The following LHFPL3 variants were observed in gnomAD, a reference collection of about 807,000 sequenced individuals.
The protein encoded by LHFPL3 is LHFPL tetraspan subfamily member 3, also known as LHFPL tetraspan subfamily member 3 protein.
In LHFPL3, 5 loss-of-function variants were observed where a neutral mutation model predicts 19.3. The observed-to-expected ratio is 0.26, with a 90% CI of 0.14 to 0.54. LHFPL3 has a LOEUF of 0.54. LHFPL3 is among the 20% of genes least tolerant of loss of function. The probability of loss-of-function intolerance (pLI) is 0.94; values close to 1 mark genes in which losing one functional copy is unlikely to be tolerated. For synonymous variants in LHFPL3, 133 were observed against 126.2 expected, an observed-to-expected ratio of 1.05 and a Z score of -0.36; for missense variants, 249 against 307.4, an observed-to-expected ratio of 0.81 and a Z score of 1.42.
chr7:104,435,634 T>C (rs1792089689), intron 1 of LHFPL3, among the ~76,000 whole-genome samples: 1 of 152,062 alleles, frequency 6.6e-6, no homozygotes, highest in Non-Finnish European at 1.5e-5. Context: ...CAAGATATTT[T>C]CTGAGTTTAT....
chr7:104,872,752 C>T (rs1312402720), intron 2 of LHFPL3, among the ~76,000 whole-genome samples: 1 of 152,208 alleles, frequency 6.6e-6, no homozygotes, highest in Non-Finnish European at 1.5e-5. Flanking sequence ...ACACACGGAG[C>T]TGTCATCTTC....
chr7:104,907,269 T>C lies in LHFPL3; in HGVS notation c.*1054T>C, dbSNP rs1022979870. ...TTAAAAATCATTCCATTAAACATAT[T>C]TCTAAATAATAGTAAGTGGTACTAA... On this transcript the variant is annotated 3_prime_UTR_variant, in exon 3 of 3. Transcript: ENST00000424859. 5.2e-5 allele frequency: 8 copies of C among 152,680 alleles called. No individual in the cohort carries two copies. Among genetic ancestry groups the C allele is most frequent in the African/African-American group, 1.9e-4 (8 of 41,564 alleles). 9.5% of individuals were successfully genotyped at this position (152,680 alleles called of 1,614,324 possible).
intron 2 of LHFPL3, among the ~76,000 whole-genome samples, chr7:104,741,336 G>T (rs1793932681): frequency 6.6e-6 from 1 of 151,780 alleles, no homozygotes; most frequent in Non-Finnish European, 1.5e-5. Context: ...CATTAAAAAT[G>T]TACTTTCATG....
At position 104,631,182 on chromosome 7, in the gene LHFPL3, C is replaced by T. The variant is rs1218153491; in HGVS notation, c.446-105493C>T. 6.6e-5 allele frequency among the ~76,000 whole-genome samples: 10 copies of T among 152,300 alleles called. 1 individual carries two copies. Among genetic ancestry groups the T allele is most frequent in the Middle Eastern group, 3.4e-3 (1 of 294 alleles). On this transcript the variant is annotated intron_variant, in intron 1 of 2. Transcript: ENST00000424859. ...ACAACAAAGCATTTAAAATGCCCAG[C>T]TCAATTTCTGCAGAGCAGGCAATGA...
intron 2 of LHFPL3, among the ~76,000 whole-genome samples, chr7:104,791,327 T>C (rs1226480732): frequency 6.6e-6 from 1 of 152,270 alleles, no homozygotes; most frequent in African/African-American, 2.4e-5. Flanking sequence ...CAGGGTTAAT[T>C]CTGGCATAAT....
intron 1 of LHFPL3, among the ~76,000 whole-genome samples, chr7:104,375,766 G>A (rs991417102): frequency 1.3e-5 from 2 of 152,082 alleles, no homozygotes; most frequent in African/African-American, 2.4e-5. Context: ...CTAACTAAAG[G>A]GTTTCTGAAG....
At chr7:104,678,226 A>G (rs912402140) in intron 1 of LHFPL3, among the ~76,000 whole-genome samples, 3 of 152,194 alleles carry the variant, frequency 2.0e-5, no homozygotes, top group Non-Finnish European at 4.4e-5. Flanking sequence ...TTGTTGTTAT[A>G]AAGTGTATAA....
intron 1 of LHFPL3, among the ~76,000 whole-genome samples, chr7:104,688,718 C>T (rs1026519370): frequency 6.6e-6 from 1 of 152,172 alleles, no homozygotes; most frequent in African/African-American, 2.4e-5. Flanking sequence ...CTCCTCAGGA[C>T]CCACCCCAAC....
chr7:104,578,347 G>A (rs1024458527), intron 1 of LHFPL3, among the ~76,000 whole-genome samples: 3 of 152,132 alleles, frequency 2.0e-5, no homozygotes, highest in East Asian at 3.9e-4. Context: ...TGAACACTGG[G>A]ATTTCCCATC....
intron 1 of LHFPL3, among the ~76,000 whole-genome samples, chr7:104,365,797 A>AAAAAAGAAAG (rs1554381869): frequency 2.2e-4 from 28 of 125,978 alleles, no homozygotes; most frequent in African/African-American, 5.8e-4. Context: ...CAAAAAAAAA[A>AAAAAAGAAAG]AAAAAAAAGA....
At chr7:104,720,022 T>C (rs1420102518) in intron 1 of LHFPL3, among the ~76,000 whole-genome samples, 1 of 152,144 alleles carries the variant, frequency 6.6e-6, no homozygotes, top group East Asian at 1.9e-4. Context: ...GGAACCAAAA[T>C]AGCCCCTTTA....
chr7:104,695,895 G>A (rs1191546043), intron 1 of LHFPL3, among the ~76,000 whole-genome samples: 1 of 152,162 alleles, frequency 6.6e-6, no homozygotes, highest in African/African-American at 2.4e-5. Flanking sequence ...TTTTCTAAAT[G>A]TGCATACCCT....
intron 1 of LHFPL3, among the ~76,000 whole-genome samples, chr7:104,592,905 G>A (rs1790757021): frequency 6.6e-6 from 1 of 152,210 alleles, no homozygotes; most frequent in South Asian, 2.1e-4. Flanking sequence ...CTCTGAGCCA[G>A]TCACAGGTTA....
At chr7:104,719,331 A>C (rs994585389) in intron 1 of LHFPL3, among the ~76,000 whole-genome samples, 1 of 152,200 alleles carries the variant, frequency 6.6e-6, no homozygotes, top group Non-Finnish European at 1.5e-5. Context: ...AGAACATATA[A>C]AAATGTTTAG....
intron 2 of LHFPL3, among the ~76,000 whole-genome samples, chr7:104,813,405 G>C (rs981079579): frequency 6.6e-6 from 1 of 152,244 alleles, no homozygotes; most frequent in Non-Finnish European, 1.5e-5. Context: ...GGTCATAAAA[G>C]TGTTATGGGA....
intron 1 of LHFPL3, among the ~76,000 whole-genome samples, chr7:104,521,250 G>C (rs921164766): frequency 6.6e-6 from 1 of 152,116 alleles, no homozygotes; most frequent in African/African-American, 2.4e-5. Context: ...CCATGTAGTT[G>C]AGTGGTTTTG....
intron 1 of LHFPL3, among the ~76,000 whole-genome samples, chr7:104,446,988 C>T (rs908160617): frequency 2.0e-5 from 3 of 152,290 alleles, no homozygotes; most frequent in South Asian, 2.1e-4. Context: ...CTGATTTACT[C>T]ATACTAATAA....
At chr7:104,553,220 AAAC>A (rs1794693965) in intron 1 of LHFPL3, among the ~76,000 whole-genome samples, 1 of 152,146 alleles carries the variant, frequency 6.6e-6, no homozygotes, top group Non-Finnish European at 1.5e-5. Flanking sequence ...TTCCCAAGAG[AAAC>A]AACATTTCAC....
At chr7:104,896,258 G>A (rs1419261298) in intron 2 of LHFPL3, among the ~76,000 whole-genome samples, 1 of 152,214 alleles carries the variant, frequency 6.6e-6, no homozygotes, top group Non-Finnish European at 1.5e-5. Context: ...TTGTTGAGCA[G>A]CAACTATGTG....
Sources: gnomAD v4.1 joint callset for allele counts (sites outside exome capture counted in the v4.1 genomes callset) on GRCh38, gnomAD v4.1.1 for gene constraint, MANE v1.5 for transcripts, NCBI Gene and HGNC (gene_info 2026-07-23, HGNC 2026-07-21) for gene names.